The following TRAK1 variants were observed in gnomAD, a reference collection of about 807,000 sequenced individuals.
TRAK1 encodes the protein trafficking kinesin-binding protein 1.
In TRAK1, 33 loss-of-function variants were observed where a neutral mutation model predicts 92.1. The observed-to-expected ratio is 0.36, with a 90% confidence interval of 0.27 to 0.48. The LOEUF is 0.48. Ranked by LOEUF, TRAK1 falls within the 20% of genes least tolerant of loss-of-function variation. The pLI is 0.99. For synonymous variants in TRAK1, 521 were observed against 517.3 expected (o/e 1.01, Z -0.10); for missense variants, 1,123 against 1,257.9 (o/e 0.89, Z 1.62).
chr3:42,074,684 T>A (rs1211624831), intron 1 of TRAK1, among the ~76,000 whole-genome samples: 1 of 152,106 alleles, frequency 6.6e-6, no homozygotes, highest in Non-Finnish European at 1.5e-5. Context: ...TAGTTTTTTT[T>A]TTTTTTTTCC....
chr3:42,184,744 G>A lies in TRAK1; in HGVS notation c.423G>A (p.Lys141=), dbSNP rs145771761. The A allele has an allele frequency of 2.5e-6, 4 of 1,614,176 alleles. No homozygotes were observed. The African/African-American group carries it at 4.0e-5, about 16-fold the overall frequency. Reference sequence around the variant, plus strand: ...GCCAGTCGTTGTTGAAGAAGAACAAGACCCTAACCGAGAGGAACGAGCTGC... The same window carrying A: ...GCCAGTCGTTGTTGAAGAAGAACAAAACCCTAACCGAGAGGAACGAGCTGC... ...RIGQSLLKKN[K]TLTERNELLE... Residue 141 remains lysine (K), a synonymous_variant, in exon 4 of 16, where the codon AAG becomes AAA. Coordinates refer to ENST00000327628, the MANE Select transcript of TRAK1 (RefSeq NM_001042646.3).
intron 1 of TRAK1, among the ~76,000 whole-genome samples, chr3:42,073,632 A>G (rs1704028728): frequency 6.6e-6 from 1 of 152,216 alleles, no homozygotes; most frequent in South Asian, 2.1e-4. Flanking sequence ...TGAGGCGGAT[A>G]ACGGCTTCTT....
At chr3:42,147,075 G>T (rs1699414688) in intron 2 of TRAK1, among the ~76,000 whole-genome samples, 1 of 152,132 alleles carries the variant, frequency 6.6e-6, no homozygotes, top group African/African-American at 2.4e-5. Flanking sequence ...ACATCTGAGG[G>T]GCTGTTTGGG....
At chr3:42,090,827 T>G (rs1704985624), upstream of TRAK1, among the ~76,000 whole-genome samples, 1 of 152,240 alleles carries the variant, frequency 6.6e-6, no homozygotes, top group South Asian at 2.1e-4. Context: ...TCGGTGCTGT[T>G]GTGTTTAGCA....
intron 3 of TRAK1, among the ~76,000 whole-genome samples, chr3:42,179,828 T>C (rs1703747565): frequency 6.6e-6 from 1 of 152,204 alleles, no homozygotes; most frequent in Non-Finnish European, 1.5e-5. Flanking sequence ...GGGCCTAAAT[T>C]ACTTGTTTGT....
intron 2 of TRAK1, among the ~76,000 whole-genome samples, chr3:42,150,974 T>G (rs1699887651): frequency 6.6e-6 from 1 of 152,208 alleles, no homozygotes; most frequent in Non-Finnish European, 1.5e-5. Flanking sequence ...GAGATGCTCC[T>G]TTTTGGAAAC....
chr3:42,219,763 C>A (rs1710132603), intron 15 of TRAK1, among the ~76,000 whole-genome samples, 167 bp downstream of exon 15: 2 of 147,766 alleles, frequency 1.4e-5, no homozygotes, highest in Non-Finnish European at 3.0e-5. Context: ...TGGGTCCCAT[C>A]CTTCCTTTTG....
At chr3:42,157,489 A>AAAAAAAAG (rs1553739632) in intron 2 of TRAK1, among the ~76,000 whole-genome samples, 71 of 144,814 alleles carry the variant, frequency 4.9e-4, no homozygotes, top group Admixed American at 8.3e-4. Context: ...AAAAAAAAAA[A>AAAAAAAAG]GGTTAACATT....
chr3:42,173,694 A>G (rs1553746826), intron 2 of TRAK1, among the ~76,000 whole-genome samples: 1 of 152,200 alleles, frequency 6.6e-6, no homozygotes, highest in Non-Finnish European at 1.5e-5. Context: ...AGTCTCTGCA[A>G]TGCAGCCTCA....
rs142831016 is a variant in TRAK1, at chr3:42,022,208, C to T, written c.-519+8091C>T. On this transcript the variant is annotated intron_variant, in intron 1 of 16. Coordinates refer to the TRAK1 transcript ENST00000487159. ...GGCATTAGAAGAATTGCTTTGGATT[C>T]GAATATCAAGACATTCCAAAGGTCT... is the stretch of plus-strand genomic sequence containing the variant. Among the ~76,000 whole-genome samples the T allele has an allele frequency of 5.3e-5, 8 of 152,076 alleles. No homozygotes were observed. In the East Asian group the frequency reaches 5.8e-4, roughly 11 times the overall value.
chr3:42,220,414 A>C, intron 15 of TRAK1: 2 of 905,532 alleles, frequency 2.2e-6, no homozygotes, highest in Non-Finnish European at 2.6e-6. Flanking sequence ...CTGTGGTGTA[A>C]GATGCTGGGT....
intron 10 of TRAK1, among the ~76,000 whole-genome samples, chr3:42,197,310 G>A (rs1336110667): frequency 2.0e-5 from 3 of 152,182 alleles, no homozygotes; most frequent in Admixed American, 1.3e-4. Flanking sequence ...AAAGGGCATA[G>A]TGTTTGCTTA....
At chr3:42,131,224 A>C (rs1697156115) in intron 2 of TRAK1, among the ~76,000 whole-genome samples, 1 of 151,594 alleles carries the variant, frequency 6.6e-6, no homozygotes, top group East Asian at 1.9e-4. Context: ...ATCCTGTTTG[A>C]CCCTTGAGCA....
chr3:42,114,429 G>A (rs754338935), intron 1 of TRAK1, among the ~76,000 whole-genome samples: 5 of 152,182 alleles, frequency 3.3e-5, no homozygotes, highest in East Asian at 3.8e-4. Context: ...CACGTGTACC[G>A]TAAACATGCT....
intron 1 of TRAK1, among the ~76,000 whole-genome samples, chr3:42,016,561 ATTGT>A (rs2148875040): frequency 6.6e-6 from 1 of 152,214 alleles, no homozygotes; most frequent in East Asian, 1.9e-4. Flanking sequence ...GGCCTCTGTA[ATTGT>A]TTGGTGATTC....
At chr3:42,091,631 C>T in intron 1 of TRAK1, 71 bp downstream of exon 1, 1 of 1,447,990 alleles carries the variant, frequency 6.9e-7, no homozygotes, top group South Asian at 1.2e-5. Flanking sequence ...GAAAAGACCA[C>T]AGGAGAAGCT....
intron 14 of TRAK1, chr3:42,210,474 G>A: frequency 8.0e-7 from 1 of 1,247,480 alleles, no homozygotes; most frequent in Non-Finnish European, 1.0e-6. Flanking sequence ...TCCTGGTCTG[G>A]GTGTCTCCCT....
chr3:42,030,489 G>A (rs936998059), intron 1 of TRAK1, among the ~76,000 whole-genome samples: 9 of 149,962 alleles, frequency 6.0e-5, no homozygotes, highest in African/African-American at 1.7e-4. Flanking sequence ...CCTGCCCAAC[G>A]TGATGAAACC....
In TRAK1 at chr3:42,070,251, T is replaced by TA. The variant is rs1559736184; in HGVS notation, c.-518-16852dup. ...TATAATAATTATGAATAATAATAAT[T>TA]ATTATAATTATAATAATTATGAATA... is the stretch of plus-strand genomic sequence containing the variant. On this transcript the variant is annotated intron_variant, in intron 1 of 16. Coordinates refer to the TRAK1 transcript ENST00000487159. Among the ~76,000 whole-genome samples, 368 of 124,626 alleles carry TA rather than the reference T, an allele frequency of 3.0e-3. 1 individual carries two copies. Among genetic ancestry groups the TA allele is most frequent in the African/African-American group, 9.1e-3 (322 of 35,244 alleles). The allele number at this position is 124,626 out of a possible 152,430, so 81.8% of individuals were successfully genotyped here.
Sources: allele counts gnomAD v4.1 joint callset (sites outside exome capture counted in the v4.1 genomes callset), GRCh38; gene constraint gnomAD v4.1.1; transcripts MANE v1.5; gene names NCBI Gene and HGNC (gene_info 2026-07-23, HGNC 2026-07-21).